Variants in FOXP1 observed in about 807,000 individuals in gnomAD.
The protein encoded by FOXP1 is forkhead box protein P1.
A neutral mutation model predicts 98.2 loss-of-function variants in FOXP1; 15 were observed. That is an observed-to-expected ratio of 0.15 (90% CI 0.10 to 0.24). The LOEUF is 0.24. FOXP1 is among the 10% of genes least tolerant of loss of function. The pLI is 1.00. For synonymous variants in FOXP1, 371 were observed against 314.5 expected, an observed-to-expected ratio of 1.18 and a Z score of -1.90; for missense variants, 633 against 848.5, an observed-to-expected ratio of 0.75 and a Z score of 3.15.
chr3:71,564,646 G>C (rs1439589240), intron 2 of FOXP1, among the ~76,000 whole-genome samples: 3 of 152,206 alleles, frequency 2.0e-5, no homozygotes, highest in African/African-American at 7.2e-5. Flanking sequence ...CTTGGCCAGT[G>C]ATGCAGGCTG....
intron 4 of FOXP1, among the ~76,000 whole-genome samples, chr3:71,358,221 C>T (rs1192902902): frequency 2.0e-5 from 3 of 152,308 alleles, no homozygotes; most frequent in Non-Finnish European, 4.4e-5. Context: ...GAAATTTAAT[C>T]GTTCTTCATT....
At chr3:71,573,794 C>G (rs1017691198) in intron 2 of FOXP1, 5 of 152,154 alleles carry the variant, frequency 3.3e-5, no homozygotes, top group African/African-American at 1.2e-4. Context: ...CAACTAGCTT[C>G]TTTCCAAATA....
At chr3:71,077,805 C>T (rs1333561064) in intron 7 of FOXP1, among the ~76,000 whole-genome samples, 4 of 151,990 alleles carry the variant, frequency 2.6e-5, no homozygotes, top group Non-Finnish European at 4.4e-5. Context: ...TTCCTCCCCT[C>T]CTAAGAAGCA....
Position 71,112,526 on chromosome 3 carries a change from G to A in FOXP1, c.282+10C>T, listed in dbSNP as rs1452127879. ...TATAATGTCAATTTAAAAAGAAAAA[G>A]AATTGTTACCTGAAGAGCTGGTTGT... On this transcript the variant is annotated intron_variant, in intron 7 of 20. Coordinates refer to ENST00000649528, the MANE Select transcript of FOXP1 (RefSeq NM_001349338.3). 1.2e-6 allele frequency: 2 copies of A among 1,600,304 alleles called. No individual in the cohort carries two copies. Among genetic ancestry groups the A allele is most frequent in the South Asian group, 2.2e-5 (2 of 90,796 alleles).
chr3:71,083,442 T>C (rs182624275), intron 7 of FOXP1, among the ~76,000 whole-genome samples: 8 of 152,354 alleles, frequency 5.3e-5, no homozygotes, highest in Admixed American at 3.9e-4. Flanking sequence ...TATTTCTTTA[T>C]AGTGACACAA....
At chr3:71,450,290 T>G (rs145359857) in intron 3 of FOXP1, among the ~76,000 whole-genome samples, 1 of 152,244 alleles carries the variant, frequency 6.6e-6, no homozygotes, top group Non-Finnish European at 1.5e-5. Context: ...AATTTTTAGA[T>G]GTACTTCACC....
At chr3:71,196,121 C>T (rs2063284950) in intron 6 of FOXP1, among the ~76,000 whole-genome samples, 2 of 152,064 alleles carry the variant, frequency 1.3e-5, no homozygotes, top group Non-Finnish European at 2.9e-5. Context: ...TTGTTTCTTC[C>T]CAAAATGTGT....
At chr3:71,352,356 T>C (rs919510713) in intron 4 of FOXP1, among the ~76,000 whole-genome samples, 1 of 149,348 alleles carries the variant, frequency 6.7e-6, no homozygotes, top group Non-Finnish European at 1.5e-5. Context: ...TCCCAGCTAC[T>C]TGGGAGGCTG....
intron 2 of FOXP1, among the ~76,000 whole-genome samples, chr3:71,539,894 T>G: frequency 6.6e-6 from 1 of 152,236 alleles, no homozygotes. Context: ...AAGATTCATG[T>G]CAGGCTTTTT....
intron 2 of FOXP1, among the ~76,000 whole-genome samples, chr3:71,498,259 T>C (rs1250037420): frequency 2.0e-5 from 3 of 152,174 alleles, no homozygotes; most frequent in Non-Finnish European, 4.4e-5. Context: ...AGTGATGTTT[T>C]CTTGTTTTGT....
At chr3:71,335,505 G>A (rs1043019632) in intron 4 of FOXP1, among the ~76,000 whole-genome samples, 2 of 152,062 alleles carry the variant, frequency 1.3e-5, no homozygotes, top group African/African-American at 4.8e-5. Context: ...ATGGAAGAAA[G>A]GAGATAAAGA....
chr3:70,965,738 A>C (rs1039047176), intron 20 of FOXP1, 152 bp downstream of exon 20: 22 of 801,868 alleles, frequency 2.7e-5, no homozygotes, highest in Non-Finnish European at 4.5e-5. Context: ...ACCAAGCTGA[A>C]CATTTCTTGA....
chr3:71,083,610 G>GT (rs536260478), intron 7 of FOXP1, among the ~76,000 whole-genome samples: 203 of 152,292 alleles, frequency 1.3e-3, no homozygotes, highest in African/African-American at 4.5e-3. Flanking sequence ...TTGCTAAGCT[G>GT]TAAGTATGTG....
intron 14 of FOXP1, among the ~76,000 whole-genome samples, chr3:70,980,296 G>A (rs1022784930): frequency 6.6e-6 from 1 of 152,176 alleles, no homozygotes; most frequent in African/African-American, 2.4e-5. Context: ...AAGGAAATTA[G>A]TGCATGAAAG....
intron 3 of FOXP1, among the ~76,000 whole-genome samples, chr3:71,365,972 A>AAAAAC (rs977282286): frequency 4.6e-5 from 7 of 152,320 alleles, no homozygotes; most frequent in East Asian, 1.9e-4. Flanking sequence ...ACTCCATTTT[A>AAAAAC]AAAACAAAAC....
chr3:71,583,464 TC>T lies in FOXP1; in HGVS notation c.-447+106del, dbSNP rs2048356200. The T allele has an allele frequency of 3.7e-5, 36 of 973,438 alleles. No homozygotes were observed. In the Middle Eastern group the frequency reaches 2.1e-3, roughly 57 times the overall value. 60.3% of individuals were successfully genotyped at this position (973,438 alleles called of 1,614,324 possible). A position where few individuals can be genotyped will look rare whatever the true frequency, so the allele number is the denominator to read the frequency against. ...CATTTTTTTTCTCTTTTTCTTTCTT[TC>T]TTTTTTTTTTTTTGTGCTGGTTGTT... On this transcript the variant is annotated intron_variant, in intron 1 of 20. Coordinates refer to ENST00000649528, the MANE Select transcript of FOXP1 (RefSeq NM_001349338.3).
rs897856800 is a variant in FOXP1, at chr3:71,434,939, C to T, written c.-168+58487G>A. 9.2e-5 allele frequency among the ~76,000 whole-genome samples: 14 copies of T among 152,012 alleles called. No individual in the cohort carries two copies. The South Asian group carries it at 1.9e-3, about 20-fold the overall frequency. On this transcript the variant is annotated intron_variant, in intron 3 of 20. Coordinates refer to ENST00000649528, the MANE Select transcript of FOXP1 (RefSeq NM_001349338.3). Reference sequence around the variant, plus strand: ...TTAAAGCGCTTGGCTAACAGGCCCCCGTCACCTCCGTCTCTCTCGCCTTTG... The same window carrying T: ...TTAAAGCGCTTGGCTAACAGGCCCCTGTCACCTCCGTCTCTCTCGCCTTTG...
At chr3:71,330,260 G>A (rs2076213364) in intron 4 of FOXP1, among the ~76,000 whole-genome samples, 1 of 151,968 alleles carries the variant, frequency 6.6e-6, no homozygotes, top group Non-Finnish European at 1.5e-5. Context: ...TAACTCTAAG[G>A]CACAATGATC....
intron 6 of FOXP1, among the ~76,000 whole-genome samples, chr3:71,140,342 A>G (rs1036863267): frequency 1.3e-5 from 2 of 152,068 alleles, no homozygotes; most frequent in African/African-American, 4.8e-5. Context: ...TATGACTGAG[A>G]CCCATCACAT....
Sources: gnomAD v4.1 joint callset for allele counts (sites outside exome capture counted in the v4.1 genomes callset) on GRCh38, gnomAD v4.1.1 for gene constraint, MANE v1.5 for transcripts, NCBI Gene and HGNC (gene_info 2026-07-23, HGNC 2026-07-21) for gene names.